KIAA0513: variants seen among roughly 807,000 people sequenced by gnomAD.
KIAA0513 encodes uncharacterized protein KIAA0513.
In KIAA0513, 39 loss-of-function variants were observed where a neutral mutation model predicts 56.5. That is an observed-to-expected ratio of 0.69 (90% CI 0.53 to 0.90). KIAA0513 has a LOEUF of 0.90. Among genes scored for constraint, KIAA0513 ranks in the 40% least tolerant of loss-of-function variants. The probability of loss-of-function intolerance (pLI) is 0.00; values close to 1 mark genes in which losing one functional copy is unlikely to be tolerated. For missense variants in KIAA0513, 591 were observed against 535.2 expected, an observed-to-expected ratio of 1.10 and a Z score of -1.03; for synonymous variants, 268 against 215.6, an observed-to-expected ratio of 1.24 and a Z score of -2.13.
rs184687741 is a variant in KIAA0513, at chr16:85,038,620, A to G, written c.-173+10762A>G. Among the ~76,000 whole-genome samples, 533 of 151,414 alleles carry G rather than the reference A, an allele frequency of 3.5e-3. 3 individuals are homozygous for G. Among genetic ancestry groups the G allele is most frequent in the African/African-American group, 0.012 (509 of 41,102 alleles). On this transcript the variant is annotated intron_variant, in intron 1 of 12. Transcript: ENST00000683363. ...CTACACGGGAGGCTGAGGCAGGAGAATCACTTGAACCTAGGAGGCGGAGGT... is the reference window on the plus strand; with the variant it reads ...CTACACGGGAGGCTGAGGCAGGAGAGTCACTTGAACCTAGGAGGCGGAGGT...
chr16:85,048,218 G>T (rs2073198074), intron 1 of KIAA0513, among the ~76,000 whole-genome samples: 1 of 152,190 alleles, frequency 6.6e-6, no homozygotes, highest in South Asian at 2.1e-4. Flanking sequence ...CTTTCCATGT[G>T]CACCTTGCAG....
In KIAA0513 at chr16:85,090,335, A is replaced by G. The variant is rs1050989974; in HGVS notation, c.*2010A>G. 3 of 152,164 alleles carry G rather than the reference A, an allele frequency of 2.0e-5. No homozygotes were observed. Among genetic ancestry groups the G allele is most frequent in the Admixed American group, 6.5e-5 (1 of 15,272 alleles). 9.4% of individuals were successfully genotyped at this position (152,164 alleles called of 1,614,324 possible). ...TCGTCGTCAGCGTTCTTAGTCATGC[A>G]TTATTCGTGTTAGCTGAAATGCATT... On this transcript the variant is annotated 3_prime_UTR_variant, in exon 13 of 13. Transcript: ENST00000683363.
chr16:85,072,081 A>G (rs1338440436), intron 3 of KIAA0513, among the ~76,000 whole-genome samples, 199 bp downstream of exon 3: 1 of 152,202 alleles, frequency 6.6e-6, no homozygotes, highest in Non-Finnish European at 1.5e-5. Context: ...GTCTGGGCAC[A>G]GTGGCTCATG....
At chr16:85,033,163 G>A (rs1046629303) in intron 1 of KIAA0513, among the ~76,000 whole-genome samples, 5 of 152,212 alleles carry the variant, frequency 3.3e-5, no homozygotes, top group Admixed American at 1.3e-4. Context: ...TATGATTTGC[G>A]AGACAAGTAC....
At chr16:85,066,446 G>A (rs1248858403) in intron 1 of KIAA0513, among the ~76,000 whole-genome samples, 1 of 152,184 alleles carries the variant, frequency 6.6e-6, no homozygotes, top group Non-Finnish European at 1.5e-5. Context: ...CTTTTGACGA[G>A]AACAGAGCCC....
At position 85,045,055 on chromosome 16, in the gene KIAA0513, T is replaced by G. The variant is rs185709913; in HGVS notation, c.-173+17197T>G. Among the ~76,000 whole-genome samples, 411 of 152,062 alleles carry G rather than the reference T, an allele frequency of 2.7e-3. 4 individuals carry two copies. Among genetic ancestry groups the G allele is most frequent in the African/African-American group, 8.7e-3 (362 of 41,492 alleles). On this transcript the variant is annotated intron_variant, in intron 1 of 12. Transcript: ENST00000683363. ...ACGGCGTGAACCTGGGAGGTGGAGC[T>G]TGTAGTGAGCTGAGATTGCACCACT...
intron 1 of KIAA0513, among the ~76,000 whole-genome samples, chr16:85,061,827 C>T (rs572326132): frequency 9.9e-5 from 15 of 152,184 alleles, no homozygotes; most frequent in African/African-American, 1.4e-4. Flanking sequence ...GGAAGTGGGG[C>T]GGAAGGGGTT....
intron 1 of KIAA0513, among the ~76,000 whole-genome samples, chr16:85,056,905 T>C (rs1053062973): frequency 6.6e-6 from 1 of 152,180 alleles, no homozygotes; most frequent in African/African-American, 2.4e-5. Context: ...AGGTCTCTCT[T>C]TGTTGCCCAC....
chr16:85,042,737 T>C (rs1382282519), intron 1 of KIAA0513, among the ~76,000 whole-genome samples: 1 of 152,144 alleles, frequency 6.6e-6, no homozygotes, highest in Admixed American at 6.5e-5. Flanking sequence ...AAAAGAATAG[T>C]CCAGACCAGC....
At chr16:85,084,026 T>G (rs2073778539) in intron 10 of KIAA0513, among the ~76,000 whole-genome samples, 1 of 151,678 alleles carries the variant, frequency 6.6e-6, no homozygotes, top group Non-Finnish European at 1.5e-5. Context: ...GTGTCAGAGC[T>G]TGACCAGTAC....
chr16:85,034,856 C>T (rs550941825), intron 1 of KIAA0513, among the ~76,000 whole-genome samples: 68 of 152,254 alleles, frequency 4.5e-4, no homozygotes, highest in African/African-American at 1.6e-3. Context: ...GTAGGGGCAG[C>T]GCCAGCACAT....
chr16:85,051,465 T>TAACCTGTTAAC (rs1442820092), intron 1 of KIAA0513, among the ~76,000 whole-genome samples: 1 of 152,210 alleles, frequency 6.6e-6, no homozygotes, highest in Non-Finnish European at 1.5e-5. Flanking sequence ...TCCCTGTTAA[T>TAACCTGTTAAC]AACCTGTTAA....
At chr16:85,059,539 C>G (rs923882057) in intron 1 of KIAA0513, among the ~76,000 whole-genome samples, 8 of 152,212 alleles carry the variant, frequency 5.3e-5, no homozygotes, top group Admixed American at 5.2e-4. Flanking sequence ...CTATCAGATG[C>G]CAGGTCTGCC....
At chr16:85,028,092 G>A (rs2072913467) in intron 1 of KIAA0513, among the ~76,000 whole-genome samples, 2 of 152,180 alleles carry the variant, frequency 1.3e-5, no homozygotes, top group Admixed American at 1.3e-4. Flanking sequence ...GGAGGCAAAG[G>A]GAATAGGGGA....
intron 2 of KIAA0513, among the ~76,000 whole-genome samples, chr16:85,071,179 G>C (rs575358574): frequency 6.6e-6 from 1 of 152,314 alleles, no homozygotes; most frequent in East Asian, 1.9e-4. Flanking sequence ...GCGACACCAA[G>C]ATGGAGGTCC....
chr16:85,065,908 T>A (rs1212829962), intron 1 of KIAA0513, among the ~76,000 whole-genome samples: 1 of 152,190 alleles, frequency 6.6e-6, no homozygotes, highest in Non-Finnish European at 1.5e-5. Context: ...TGTAGCCAGC[T>A]CCCCTGACCC....
chr16:85,086,593 G>T (rs766844126), intron 10 of KIAA0513, 51 bp from the exon 11 acceptor site: 2 of 1,559,972 alleles, frequency 1.3e-6, no homozygotes, highest in African/African-American at 2.7e-5. Context: ...AGGAGCTGGG[G>T]CAAGGACAGC....
intron 7 of KIAA0513, 138 bp downstream of exon 7, chr16:85,078,593 T>C: frequency 1.3e-6 from 1 of 777,930 alleles, no homozygotes; most frequent in Non-Finnish European, 2.1e-6. Flanking sequence ...CCCAGTTGCT[T>C]CCCAGCTCCC....
rs775609732 is a variant in KIAA0513, at chr16:85,075,893, T to G, written c.553T>G (p.Cys185Gly). The G allele has an allele frequency of 1.9e-6, 3 of 1,613,934 alleles. No homozygotes were observed. Among genetic ancestry groups the G allele is most frequent in the Non-Finnish European group, 2.5e-6 (3 of 1,179,890 alleles). Residue 185 changes from cysteine (C) to glycine (G), a missense_variant, in exon 5 of 13, where the codon TGC becomes GGC. Transcript: ENST00000683363. The stretch of plus-strand genomic sequence containing the variant: ...GCCTGCCAAGAACCTCATGACCATG[T>G]GCTTCACCTACTACCACATCGGTAA... Reference protein sequence around the residue: ...FGPAKNLMTMCFTYYHIGKPQ... With the variant: ...FGPAKNLMTMGFTYYHIGKPQ...
Sources: gnomAD v4.1 joint callset for allele counts (sites outside exome capture counted in the v4.1 genomes callset) on GRCh38, gnomAD v4.1.1 for gene constraint, MANE v1.5 for transcripts, NCBI Gene and HGNC (gene_info 2026-07-23, HGNC 2026-07-21) for gene names.